PDS5A: variants seen among roughly 807,000 people sequenced by gnomAD.
PDS5A encodes the protein PDS5 cohesin associated factor A.
PDS5A carries 42 observed loss-of-function variants against 167.1 expected under a neutral mutation model. The observed-to-expected ratio is 0.25, with a 90% CI of 0.20 to 0.33. The LOEUF (loss-of-function observed/expected upper bound fraction) is 0.33, where lower values mean the gene tolerates loss of function less well. PDS5A is among the 10% of genes least tolerant of loss of function. The pLI is 1.00. For synonymous variants in PDS5A, 553 were observed against 554.6 expected, an observed-to-expected ratio of 1.00 and a Z score of 0.04; for missense variants, 1,033 against 1,605.9, an observed-to-expected ratio of 0.64 and a Z score of 6.10.
Position 39,976,571 on chromosome 4 carries a change from A to G in PDS5A, c.7T>C (p.Phe3Leu), listed in dbSNP as rs759562518. Residue 3 changes from phenylalanine (F) to leucine (L), a missense_variant, in exon 2 of 33, where the codon TTC becomes CTC. By Grantham distance (22) the Phe-to-Leu change is conservative. Coordinates refer to ENST00000303538, the MANE Select transcript of PDS5A (RefSeq NM_001100399.2). MD[F>L]TAQPKPATAL... is the part of the protein sequence containing the mutation. ...GTGGCAGGCTTGGGCTGCGCGGTGA[A>G]GTCCATCCTGGGGGACAACTTTTGG... The G allele has an allele frequency of 1.2e-6, 2 of 1,611,300 alleles. No homozygotes were observed. The highest frequency in any genetic ancestry group is 1.7e-6 in the Non-Finnish European group (2 of 1,177,914).
In PDS5A at chr4:39,838,227, A is replaced by G. The variant is rs1444373734; in HGVS notation, c.3658-19T>C. The G allele has an allele frequency of 6.9e-7, 1 of 1,448,830 alleles. No individual in the cohort carries two copies. Among genetic ancestry groups the G allele is most frequent in the Non-Finnish European group, 9.3e-7 (1 of 1,080,062 alleles). 89.7% of individuals were successfully genotyped at this position (1,448,830 alleles called of 1,614,324 possible). A position where few individuals can be genotyped will look rare whatever the true frequency, so the allele number is the denominator to read the frequency against. ...TAATTTCCTAAAAAAGCACAAAACA[A>G]TTCTATAAACACAAATTCCTTAAAT... is the stretch of plus-strand genomic sequence containing the variant. On this transcript the variant is annotated intron_variant, in intron 31 of 32. Transcript: ENST00000303538.
intron 5 of PDS5A, among the ~76,000 whole-genome samples, chr4:39,924,157 A>G (rs927689413): frequency 2.0e-5 from 3 of 152,198 alleles, no homozygotes; most frequent in Admixed American, 6.6e-5. Flanking sequence ...TGGATGAGAC[A>G]TGTGACCCAG....
At chr4:39,973,244 T>C (rs1410441544) in intron 2 of PDS5A, 21 of 1,470,870 alleles carry the variant, frequency 1.4e-5, no homozygotes, top group Non-Finnish European at 9.5e-7. Flanking sequence ...CTCTGGACTC[T>C]CGAGCATATG....
At chr4:39,862,392 T>C in intron 25 of PDS5A, 59 bp from the exon 26 acceptor site, 1 of 700,918 alleles carries the variant, frequency 1.4e-6, no homozygotes, top group Admixed American at 2.7e-5. Flanking sequence ...GACTGAGTTC[T>C]AACCACTTAA....
chr4:39,890,235 A>G lies in PDS5A; in HGVS notation c.1886+14T>C. The G allele has an allele frequency of 7.5e-7, 1 of 1,333,928 alleles. No individual in the cohort carries two copies. The highest frequency in any genetic ancestry group is 1.0e-6 in the Non-Finnish European group (1 of 954,626). 82.6% of individuals were successfully genotyped at this position (1,333,928 alleles called of 1,614,324 possible). On this transcript the variant is annotated intron_variant, in intron 17 of 32. Coordinates refer to ENST00000303538, the MANE Select transcript of PDS5A (RefSeq NM_001100399.2). ...TTATTATTTATTTTTGAGCGAATAT[A>G]CTTCTTGGCTTACCTTATGGCTTCT...
chr4:39,885,832 A>G (rs1027119088), intron 17 of PDS5A, among the ~76,000 whole-genome samples: 3 of 152,084 alleles, frequency 2.0e-5, no homozygotes, highest in Non-Finnish European at 2.9e-5. Context: ...GCATGTGCCT[A>G]TGGTCCCATC....
chr4:39,931,429 G>T (rs372829373), intron 2 of PDS5A, among the ~76,000 whole-genome samples: 1 of 152,140 alleles, frequency 6.6e-6, no homozygotes, highest in East Asian at 1.9e-4. Context: ...TAGCTAAGTC[G>T]TGTGGGCCTG....
At chr4:39,847,319 T>C (rs1338435144) in intron 28 of PDS5A, 2 of 152,194 alleles carry the variant, frequency 1.3e-5, no homozygotes, top group Non-Finnish European at 2.9e-5. Flanking sequence ...CACTTAAGAA[T>C]ATCTTATAGG....
chr4:39,869,148 A>G (rs1242039588), intron 22 of PDS5A, among the ~76,000 whole-genome samples: 1 of 152,178 alleles, frequency 6.6e-6, no homozygotes, highest in African/African-American at 2.4e-5. Flanking sequence ...CCTCCTTAAC[A>G]AATGCTTATT....
intron 11 of PDS5A, 135 bp from the exon 12 acceptor site, chr4:39,904,326 G>A: frequency 2.1e-6 from 1 of 483,614 alleles, no homozygotes; most frequent in Non-Finnish European, 3.5e-6. Flanking sequence ...CTCTTCAAAA[G>A]AGGCTTTACA....
At chr4:39,976,898 G>C (rs997668930) in intron 1 of PDS5A, among the ~76,000 whole-genome samples, 1 of 152,062 alleles carries the variant, frequency 6.6e-6, no homozygotes, top group African/African-American at 2.4e-5. Context: ...ATCCACCCCC[G>C]AGCACCAGGG....
At chr4:39,908,805 G>GCAGT (rs80119292) in intron 10 of PDS5A, 1 of 383,056 alleles carries the variant, frequency 2.6e-6, no homozygotes, top group Non-Finnish European at 4.7e-6. Context: ...AGGCAGGCAG[G>GCAGT]TCGCACAAGC....
At chr4:39,974,297 G>C (rs1730864210) in intron 2 of PDS5A, 1 of 534,398 alleles carries the variant, frequency 1.9e-6, no homozygotes, top group South Asian at 1.4e-5. Flanking sequence ...TTCTTCACAG[G>C]TTCCATGAGT....
At chr4:39,938,445 C>T (rs1367701246) in intron 2 of PDS5A, among the ~76,000 whole-genome samples, 1 of 151,790 alleles carries the variant, frequency 6.6e-6, no homozygotes, top group African/African-American at 2.4e-5. Context: ...ATCCCAGCTA[C>T]TCGGGAGGCT....
In PDS5A at chr4:39,904,068, T is replaced by C; in HGVS notation, c.1357A>G (p.Ile453Val). ...TCGTCAATGCTGTTCTGATAATAAA[T>C]ATGCAGAAGTTTGTCCTTTATCCAG... is the stretch of plus-strand genomic sequence containing the variant. ...VSWIKDKLLH[I>V]YYQNSIDDKL... is the part of the protein sequence containing the mutation. Residue 453 changes from isoleucine to valine, a missense_variant, in exon 12 of 33, where the codon ATT (isoleucine) becomes GTT (valine). Transcript: ENST00000303538. The C allele has an allele frequency of 1.2e-6, 2 of 1,610,910 alleles. No individual in the cohort carries two copies. Among genetic ancestry groups the C allele is most frequent in the South Asian group, 2.2e-5 (2 of 90,492 alleles).
intron 31 of PDS5A, among the ~76,000 whole-genome samples, chr4:39,839,636 GT>G (rs1716764196): frequency 6.6e-6 from 1 of 151,712 alleles, no homozygotes; most frequent in Non-Finnish European, 1.5e-5. Context: ...AGCTACTGTG[GT>G]GTAACTGCAT....
At chr4:39,863,575 G>T in intron 23 of PDS5A, 116 bp from the exon 24 acceptor site, 1 of 634,160 alleles carries the variant, frequency 1.6e-6, no homozygotes, top group Non-Finnish European at 2.6e-6. Flanking sequence ...TTAAAATGAC[G>T]TACAAATATG....
Position 39,917,197 on chromosome 4 carries a change from G to T in PDS5A, c.736-9C>A, listed in dbSNP as rs1724472031. The T allele has an allele frequency of 2.0e-6, 3 of 1,520,156 alleles. No homozygotes were observed. The highest frequency in any genetic ancestry group is 2.6e-5 in the South Asian group (2 of 75,704). 94.2% of individuals were successfully genotyped at this position (1,520,156 alleles called of 1,614,324 possible). Reference sequence around the variant, plus strand: ...AGGACTTGATTGAAAAACTGTAAGAGATATTAAAAACAAAAAGAAAACATC... The same window carrying T: ...AGGACTTGATTGAAAAACTGTAAGATATATTAAAAACAAAAAGAAAACATC... On this transcript the variant is annotated splice_polypyrimidine_tract_variant and intron_variant, in intron 7 of 32. Coordinates refer to ENST00000303538, the MANE Select transcript of PDS5A (RefSeq NM_001100399.2).
At position 39,834,503 on chromosome 4, in the gene PDS5A, A is replaced by C. The variant is rs1285105728; in HGVS notation, c.4010+3353T>G. On this transcript the variant is annotated intron_variant, in intron 32 of 32. Transcript: ENST00000303538. ...GAGTTCCCATGGGAAATCATTAGGCATCCAGCTTACAGTACTGATTTGGCT... is the reference window on the plus strand; with the variant it reads ...GAGTTCCCATGGGAAATCATTAGGCCTCCAGCTTACAGTACTGATTTGGCT... Among the ~76,000 whole-genome samples the C allele has an allele frequency of 2.0e-5, 3 of 152,292 alleles. No homozygotes were observed. In the East Asian group the frequency reaches 5.8e-4, roughly 29 times the overall value.
Sources: allele counts gnomAD v4.1 joint callset (sites outside exome capture counted in the v4.1 genomes callset), GRCh38; gene constraint gnomAD v4.1.1; transcripts MANE v1.5; gene names NCBI Gene and HGNC (gene_info 2026-07-23, HGNC 2026-07-21).